Variants in DOCK4 observed in about 807,000 individuals in gnomAD.
DOCK4 encodes dedicator of cytokinesis protein 4.
Under a neutral mutation model 268.1 loss-of-function variants are expected in DOCK4, and 97 were observed. The observed-to-expected ratio is 0.36, with a 90% CI of 0.31 to 0.43. DOCK4 has a LOEUF of 0.43. DOCK4 is among the 20% of genes least tolerant of loss of function. DOCK4 has a pLI of 1.00. For missense variants in DOCK4, 2,145 were observed against 2,455.7 expected, an observed-to-expected ratio of 0.87 and a Z score of 2.67; for synonymous variants, 954 against 887.2, an observed-to-expected ratio of 1.08 and a Z score of -1.34.
chr7:112,159,127 C>T (rs985319941), intron 1 of DOCK4, among the ~76,000 whole-genome samples: 2 of 152,104 alleles, frequency 1.3e-5, no homozygotes, highest in African/African-American at 4.8e-5. Context: ...ACTGCAAATA[C>T]GCCCTCCTAG....
chr7:111,943,344 TG>T (rs1169975025), intron 10 of DOCK4, among the ~76,000 whole-genome samples: 3 of 152,338 alleles, frequency 2.0e-5, no homozygotes, highest in African/African-American at 7.2e-5. Flanking sequence ...GTGAAGTCCA[TG>T]GGCCAGAAGG....
chr7:112,145,991 A>G (rs1005343478), intron 1 of DOCK4, among the ~76,000 whole-genome samples: 2 of 152,202 alleles, frequency 1.3e-5, no homozygotes, highest in Non-Finnish European at 1.5e-5. Flanking sequence ...AGAGAAATAC[A>G]CTGGAAGAGA....
intron 5 of DOCK4, among the ~76,000 whole-genome samples, chr7:111,991,488 C>A (rs1234450256): frequency 1.3e-5 from 2 of 152,082 alleles, no homozygotes; most frequent in African/African-American, 4.8e-5. Context: ...TCAAGAGATT[C>A]TGGAAACATA....
chr7:111,802,265 G>C (rs1048009982), intron 30 of DOCK4, among the ~76,000 whole-genome samples: 1 of 151,966 alleles, frequency 6.6e-6, no homozygotes, highest in Non-Finnish European at 1.5e-5. Flanking sequence ...AGACAAAAGG[G>C]GGAAGAAAAT....
At position 111,857,630 on chromosome 7, in the gene DOCK4, AATC is replaced by A. The variant is rs560734028; in HGVS notation, c.2473+5739_2473+5741del. On this transcript the variant is annotated intron_variant, in intron 23 of 52. Coordinates refer to ENST00000428084, the MANE Select transcript of DOCK4 (RefSeq NM_001363540.2). The stretch of plus-strand genomic sequence containing the variant: ...ATTAACTCCAGCCATCTGTTAAACA[AATC>A]ATCAAGTACCAAGCAATGGTGACAA... Among the ~76,000 whole-genome samples the A allele has an allele frequency of 5.9e-5, 9 of 152,322 alleles. No individual in the cohort carries two copies. The South Asian group carries it at 1.7e-3, about 28-fold the overall frequency.
At chr7:112,153,005 C>T (rs368617847) in intron 1 of DOCK4, among the ~76,000 whole-genome samples, 13 of 152,192 alleles carry the variant, frequency 8.5e-5, no homozygotes, top group Admixed American at 2.0e-4. Flanking sequence ...ACACAGAATG[C>T]CAATGTCACT....
rs73715244 is a variant in DOCK4 at position 111,748,347 on chromosome 7, A to G, written c.4417-904T>C. Among the ~76,000 whole-genome samples the G allele has an allele frequency of 2.1e-3, 322 of 152,292 alleles. 3 individuals are homozygous for G. Among genetic ancestry groups the G allele is most frequent in the African/African-American group, 7.3e-3 (305 of 41,564 alleles). Reference sequence around the variant, plus strand: ...GAAGGGAAGATAAGCAAGAACATAGAAGATTTTGTAACATGTGTAACCATC... The same window carrying G: ...GAAGGGAAGATAAGCAAGAACATAGGAGATTTTGTAACATGTGTAACCATC... On this transcript the variant is annotated intron_variant, in intron 42 of 52. Transcript: ENST00000428084.
chr7:111,728,531 C>A lies in DOCK4; in HGVS notation c.5671G>T (p.Val1891Leu). The A allele has an allele frequency of 6.2e-6, 10 of 1,613,340 alleles. No individual in the cohort carries two copies. Among genetic ancestry groups the A allele is most frequent in the Non-Finnish European group, 8.5e-6 (10 of 1,179,762 alleles). ...TCCCCGCCGTAGCTCGGCACGGGCACCGGCACTGGCACCGGCAGGGGGGCC... is the reference window on the plus strand; with the variant it reads ...TCCCCGCCGTAGCTCGGCACGGGCAACGGCACTGGCACCGGCAGGGGGGCC... Reference protein sequence around the residue: ...QSAPLPVPVPVPVPSYGGEEP... With the variant: ...QSAPLPVPVPLPVPSYGGEEP... The change falls in exon 53 of 53, where the codon GTG becomes TTG. Residue 1891 changes from valine to leucine, a missense_variant. Val to Leu is a conservative substitution (Grantham distance 32). Coordinates refer to ENST00000428084, the MANE Select transcript of DOCK4 (RefSeq NM_001363540.2).
At chr7:112,205,772 G>GACACACACAC (rs35579043) in intron 1 of DOCK4, among the ~76,000 whole-genome samples, 1 of 148,854 alleles carries the variant, frequency 6.7e-6, no homozygotes, top group African/African-American at 2.5e-5. Context: ...CTTCCAACTT[G>GACACACACAC]ACACACACAC....
At chr7:112,136,410 A>G (rs1159846999) in intron 1 of DOCK4, among the ~76,000 whole-genome samples, 1 of 152,144 alleles carries the variant, frequency 6.6e-6, no homozygotes, top group Non-Finnish European at 1.5e-5. Flanking sequence ...GGAACACAAA[A>G]TAATTTTTAT....
chr7:111,928,237 G>A (rs1288752593), intron 12 of DOCK4, among the ~76,000 whole-genome samples: 1 of 152,080 alleles, frequency 6.6e-6, no homozygotes, highest in Non-Finnish European at 1.5e-5. Flanking sequence ...CTCTACAATA[G>A]TATCTATGAT....
Position 111,735,154 on chromosome 7 carries a change from G to A in DOCK4, c.5319C>T (p.Thr1773=). ...CACTGTCCAGGCTCCAGCTGCTAGG[G>A]GTGGGGTTCACAGCTGGAAGGGAAT... The part of the protein sequence containing the change: ...LSAPEKAVNP[T]PSSWSLDSGK... The change falls in exon 51 of 53, where the codon ACC becomes ACT. Residue 1773 remains threonine, a synonymous_variant. Transcript: ENST00000428084. 3 of 1,589,078 alleles carry A rather than the reference G, an allele frequency of 1.9e-6. No homozygotes were observed. Among genetic ancestry groups the A allele is most frequent in the South Asian group, 1.2e-5 (1 of 86,772 alleles).
intron 12 of DOCK4, chr7:111,935,310 A>T (rs551434733): frequency 1.3e-5 from 7 of 558,048 alleles, no homozygotes; most frequent in South Asian, 1.2e-4. Flanking sequence ...ACAAATTCAG[A>T]TTATCTTTTT....
chr7:111,837,496 T>C (rs1054182357), intron 25 of DOCK4, among the ~76,000 whole-genome samples: 6 of 152,172 alleles, frequency 3.9e-5, no homozygotes, highest in Admixed American at 1.3e-4. Flanking sequence ...TAGCTGTGTA[T>C]ATAGAAAAAG....
At chr7:111,853,017 T>C (rs1191987270) in intron 23 of DOCK4, among the ~76,000 whole-genome samples, 2 of 152,228 alleles carry the variant, frequency 1.3e-5, no homozygotes, top group Admixed American at 6.5e-5. Context: ...CTGTGTTGTA[T>C]GTCTCCTTGA....
At chr7:112,015,334 A>AT (rs1397774236) in intron 1 of DOCK4, among the ~76,000 whole-genome samples, 1 of 152,236 alleles carries the variant, frequency 6.6e-6, no homozygotes, top group Admixed American at 6.5e-5. Flanking sequence ...GGAATTGCCC[A>AT]TCCCTTTCCT....
At chr7:111,742,258 G>T in intron 44 of DOCK4, 126 bp from the exon 45 acceptor site, 1 of 1,005,056 alleles carries the variant, frequency 9.9e-7, no homozygotes, top group Non-Finnish European at 1.3e-6. Context: ...CTCTGACAAG[G>T]TAGGAACAGC....
chr7:111,809,810 T>C (rs946080548), intron 28 of DOCK4, among the ~76,000 whole-genome samples: 4 of 152,232 alleles, frequency 2.6e-5, no homozygotes, highest in Admixed American at 6.5e-5. Flanking sequence ...AGTTCATTTT[T>C]GGAACTCCTT....
chr7:112,206,043 G>C, intron 1 of DOCK4, 59 bp downstream of exon 1: 2 of 1,539,142 alleles, frequency 1.3e-6, no homozygotes, highest in South Asian at 2.4e-5. Flanking sequence ...GGGCAAGGAC[G>C]AGAAATGCGC....
Sources: allele counts gnomAD v4.1 joint callset (sites outside exome capture counted in the v4.1 genomes callset), GRCh38; gene constraint gnomAD v4.1.1; transcripts MANE v1.5; gene names NCBI Gene and HGNC (gene_info 2026-07-23, HGNC 2026-07-21).